The following LRRC4C variants were observed in gnomAD, a reference collection of about 807,000 sequenced individuals.
LRRC4C encodes the protein leucine rich repeat containing 4C, also known as leucine-rich repeat-containing protein 4C.
Under a neutral mutation model 33.6 loss-of-function variants are expected in LRRC4C, and 5 were observed. That is an observed-to-expected ratio of 0.15 (90% CI 0.08 to 0.31). The LOEUF (loss-of-function observed/expected upper bound fraction) is 0.31, where lower values mean the gene tolerates loss of function less well. Ranked by LOEUF, LRRC4C falls within the 10% of genes least tolerant of loss-of-function variation. The pLI, the probability that LRRC4C is intolerant of heterozygous loss-of-function variation, is 1.00. For synonymous variants in LRRC4C, 329 were observed against 302.0 expected, an observed-to-expected ratio of 1.09 and a Z score of -0.93; for missense variants, 560 against 796.7, an observed-to-expected ratio of 0.70 and a Z score of 3.58.
chr11:40,851,588 T>C (rs1953500173), intron 2 of LRRC4C, among the ~76,000 whole-genome samples: 1 of 152,124 alleles, frequency 6.6e-6, no homozygotes, highest in African/African-American at 2.4e-5. Context: ...TTTGGCCATC[T>C]TGCTCAGGAA....
At chr11:40,830,509 G>A (rs1435195893) in intron 2 of LRRC4C, among the ~76,000 whole-genome samples, 1 of 152,006 alleles carries the variant, frequency 6.6e-6, no homozygotes, top group South Asian at 2.1e-4. Flanking sequence ...TTGAGTGGTA[G>A]CCCTCCATTT....
At chr11:40,410,298 CATTATTATGT>C (rs1218142018) in intron 3 of LRRC4C, among the ~76,000 whole-genome samples, 1 of 152,064 alleles carries the variant, frequency 6.6e-6, no homozygotes, top group Non-Finnish European at 1.5e-5. Context: ...ATACCCCAAA[CATTATTATGT>C]CAACATGCAA....
chr11:40,497,176 C>G (rs1159714050), intron 3 of LRRC4C, among the ~76,000 whole-genome samples: 1 of 152,014 alleles, frequency 6.6e-6, no homozygotes, highest in African/African-American at 2.4e-5. Context: ...GAGGCAGAGG[C>G]GGGCGGATCA....
rs756541194 is a variant in LRRC4C, at chr11:40,468,541, AGC to A, written c.-269-148822_-269-148821del. Among the ~76,000 whole-genome samples the A allele has an allele frequency of 1.1e-4, 16 of 147,782 alleles. 1 individual carries two copies. The highest frequency in any genetic ancestry group is 7.7e-4 in the East Asian group (4 of 5,180). On this transcript the variant is annotated intron_variant, in intron 3 of 6. Coordinates refer to ENST00000528697, the MANE Select transcript of LRRC4C (RefSeq NM_001258419.2). ...TTTTTGATCAAACAACTGGGCTTAT[AGC>A]CTAGCTAGGTTGACTTAAAATTAAC...
rs182265285 is a variant in LRRC4C, at chr11:41,453,234, T to A, written c.-496+6197A>T. ...TGTAACTGCAGTACAATCATGCACA[T>A]GGCATCAGACATTTTAATAAGATTT... On this transcript the variant is annotated intron_variant, in intron 1 of 6. Transcript: ENST00000528697. 2.0e-5 allele frequency among the ~76,000 whole-genome samples: 3 copies of A among 152,308 alleles called. No individual in the cohort carries two copies. In the East Asian group the frequency reaches 5.8e-4, roughly 29 times the overall value.
chr11:40,461,331 C>T (rs1012106251), intron 3 of LRRC4C, among the ~76,000 whole-genome samples: 4 of 152,094 alleles, frequency 2.6e-5, no homozygotes, highest in African/African-American at 9.7e-5. Context: ...TGAAGCATAG[C>T]TTTTTGCTGG....
At chr11:41,096,748 TAGAA>T (rs1940833894) in intron 1 of LRRC4C, among the ~76,000 whole-genome samples, 1 of 152,058 alleles carries the variant, frequency 6.6e-6, no homozygotes, top group African/African-American at 2.4e-5. Context: ...GACTGAGTGT[TAGAA>T]AGAGGTTGTA....
chr11:40,991,204 TAAAAAA>T (rs1186155913), intron 1 of LRRC4C, among the ~76,000 whole-genome samples: 1 of 103,338 alleles, frequency 9.7e-6, no homozygotes, highest in Non-Finnish European at 1.9e-5. Context: ...TCCCAATATG[TAAAAAA>T]AAAAAAAAAA....
intron 3 of LRRC4C, among the ~76,000 whole-genome samples, chr11:40,592,337 G>A (rs1417987942): frequency 6.6e-6 from 1 of 152,156 alleles, no homozygotes; most frequent in African/African-American, 2.4e-5. Context: ...TAATCACTTG[G>A]AGGGGTGGCT....
intron 2 of LRRC4C, among the ~76,000 whole-genome samples, chr11:40,658,664 G>A (rs892343608): frequency 6.6e-6 from 1 of 152,132 alleles, no homozygotes; most frequent in Non-Finnish European, 1.5e-5. Context: ...AGGATGATTT[G>A]GTTCCTCTCT....
chr11:40,466,391 T>C (rs1043847817), intron 3 of LRRC4C, among the ~76,000 whole-genome samples: 1 of 151,712 alleles, frequency 6.6e-6, no homozygotes, highest in Non-Finnish European at 1.5e-5. Context: ...TAACAATACT[T>C]CCCTCGTAAC....
intron 3 of LRRC4C, among the ~76,000 whole-genome samples, chr11:40,545,602 C>T (rs1956881188): frequency 6.6e-6 from 1 of 151,902 alleles, no homozygotes; most frequent in African/African-American, 2.4e-5. Flanking sequence ...AGCAGGAAGA[C>T]CCCTCTATTG....
chr11:40,770,735 A>T (rs1591673259), intron 2 of LRRC4C, among the ~76,000 whole-genome samples: 1 of 152,216 alleles, frequency 6.6e-6, no homozygotes, highest in Non-Finnish European at 1.5e-5. Flanking sequence ...ATTGGAGAAA[A>T]TAAAGGGGCT....
intron 1 of LRRC4C, among the ~76,000 whole-genome samples, chr11:41,168,269 G>A (rs1439284472): frequency 6.6e-6 from 1 of 152,096 alleles, no homozygotes; most frequent in African/African-American, 2.4e-5. Flanking sequence ...AAACCTATCT[G>A]TTAAAAAACT....
chr11:40,206,318 C>T (rs1863145486), intron 5 of LRRC4C, among the ~76,000 whole-genome samples: 1 of 152,140 alleles, frequency 6.6e-6, no homozygotes. Context: ...TCACTGCAAC[C>T]TCCGCCTCCC....
chr11:40,727,771 G>A (rs1051232587), intron 2 of LRRC4C, among the ~76,000 whole-genome samples: 2 of 152,102 alleles, frequency 1.3e-5, no homozygotes, highest in Admixed American at 1.3e-4. Flanking sequence ...ATACAAGGCT[G>A]GGTGCGATGA....
intron 6 of LRRC4C, among the ~76,000 whole-genome samples, chr11:40,118,072 CAT>C (rs1855565709): frequency 1.4e-5 from 2 of 147,492 alleles, no homozygotes; most frequent in South Asian, 4.3e-4. Context: ...TCATACTAAT[CAT>C]ATATTTAGAT....
chr11:41,392,839 TC>T (rs772070003), intron 1 of LRRC4C, among the ~76,000 whole-genome samples: 33 of 151,982 alleles, frequency 2.2e-4, no homozygotes, highest in Non-Finnish European at 4.3e-4. Flanking sequence ...GAAGGATTCT[TC>T]CCTGGAGTCT....
At chr11:40,912,867 G>A (rs1405943760) in intron 2 of LRRC4C, among the ~76,000 whole-genome samples, 2 of 151,610 alleles carry the variant, frequency 1.3e-5, no homozygotes, top group African/African-American at 4.8e-5. Context: ...CCAAGCCAAT[G>A]GAAAACAAAA....
Sources: allele counts gnomAD v4.1 joint callset (sites outside exome capture counted in the v4.1 genomes callset), GRCh38; gene constraint gnomAD v4.1.1; transcripts MANE v1.5; gene names NCBI Gene and HGNC (gene_info 2026-07-23, HGNC 2026-07-21).